HECW1: variants seen among roughly 807,000 people sequenced by gnomAD.
The protein encoded by HECW1 is E3 ubiquitin-protein ligase HECW1.
Under a neutral mutation model 182.3 loss-of-function variants are expected in HECW1, and 61 were observed. The ratio of observed to expected loss-of-function variants is 0.33; its 90% CI spans 0.27 to 0.41. The LOEUF is 0.41. HECW1 is among the 10% of genes least tolerant of loss of function. The pLI, the probability that HECW1 is intolerant of heterozygous loss-of-function variation, is 1.00. For synonymous variants in HECW1, 859 were observed against 832.6 expected (o/e 1.03, Z -0.55); for missense variants, 1,739 against 2,108.9 (o/e 0.82, Z 3.44).
chr7:43,240,194 C>T (rs983579975), intron 2 of HECW1, among the ~76,000 whole-genome samples: 5 of 152,118 alleles, frequency 3.3e-5, no homozygotes, highest in Non-Finnish European at 7.4e-5. Flanking sequence ...TACAAAAAGC[C>T]AGGCATGGTG....
chr7:43,225,042 G>A (rs1797300123), intron 2 of HECW1, among the ~76,000 whole-genome samples: 1 of 152,144 alleles, frequency 6.6e-6, no homozygotes, highest in Non-Finnish European at 1.5e-5. Flanking sequence ...TGATTAGATT[G>A]GTGGCAGGTA....
chr7:43,445,661 C>T, intron 11 of HECW1, 91 bp downstream of exon 11: 2 of 1,411,764 alleles, frequency 1.4e-6, no homozygotes, highest in Non-Finnish European at 9.4e-7. Flanking sequence ...GGCGGGGGAT[C>T]GGTGTCAAAC....
chr7:43,117,636 C>A (rs1485601670), intron 2 of HECW1, among the ~76,000 whole-genome samples: 2 of 152,160 alleles, frequency 1.3e-5, no homozygotes, highest in African/African-American at 2.4e-5. Context: ...ACCTCAATGC[C>A]ATGCATTTAG....
intron 4 of HECW1, 65 bp from the exon 5 acceptor site, chr7:43,320,570 A>C: frequency 1.8e-6 from 2 of 1,115,154 alleles, no homozygotes; most frequent in Non-Finnish European, 1.4e-6. Flanking sequence ...CTTTTCTTTT[A>C]TTCCCCTAAA....
intron 24 of HECW1, among the ~76,000 whole-genome samples, chr7:43,517,230 G>T (rs867020504): frequency 6.6e-6 from 1 of 152,122 alleles, no homozygotes; most frequent in Non-Finnish European, 1.5e-5. Context: ...TGGTGGTGAC[G>T]AATCTAACCT....
intron 6 of HECW1, among the ~76,000 whole-genome samples, chr7:43,388,682 G>C (rs1371746661): frequency 6.6e-6 from 1 of 152,150 alleles, no homozygotes; most frequent in Non-Finnish European, 1.5e-5. Context: ...GAGTGCAGTG[G>C]CATAATCTCA....
intron 6 of HECW1, among the ~76,000 whole-genome samples, chr7:43,377,049 C>G (rs545099185): frequency 6.6e-6 from 1 of 152,188 alleles, no homozygotes; most frequent in African/African-American, 2.4e-5. Flanking sequence ...TAAAGTTAGT[C>G]TGACTTGTAA....
chr7:43,470,727 C>T (rs755470535), intron 16 of HECW1, among the ~76,000 whole-genome samples: 7 of 145,670 alleles, frequency 4.8e-5, no homozygotes, highest in Admixed American at 4.1e-4. Context: ...AGCTGTGTGC[C>T]TACACACACA....
chr7:43,193,793 A>G (rs377759958), intron 2 of HECW1, among the ~76,000 whole-genome samples: 70 of 152,130 alleles, frequency 4.6e-4, no homozygotes, highest in African/African-American at 1.6e-3. Context: ...CCTGATGGCT[A>G]CAGGTTGACA....
chr7:43,418,245 A>G (rs1011588183), intron 8 of HECW1, among the ~76,000 whole-genome samples: 12 of 152,202 alleles, frequency 7.9e-5, no homozygotes, highest in African/African-American at 2.4e-4. Context: ...CCTATTTCCA[A>G]ATAAGTTTGC....
intron 3 of HECW1, among the ~76,000 whole-genome samples, chr7:43,299,156 A>G (rs1469519535): frequency 6.6e-6 from 1 of 152,246 alleles, no homozygotes; most frequent in East Asian, 1.9e-4. Context: ...TGAGATGATA[A>G]TCATCGGTTT....
In HECW1 at chr7:43,137,872, T is replaced by C. The variant is rs113135065; in HGVS notation, c.-32+23481T>C. 4.9e-3 allele frequency among the ~76,000 whole-genome samples: 739 copies of C among 152,102 alleles called. 2 individuals are homozygous for C. Among genetic ancestry groups the C allele is most frequent in the African/African-American group, 0.017 (695 of 41,498 alleles). On this transcript the variant is annotated intron_variant, in intron 2 of 29. Transcript: ENST00000395891. ...GCCACTTTCTGCTTTCTTTATCACC[T>C]GTTTAGATCTTACTCCCTCCCAAAG...
intron 16 of HECW1, among the ~76,000 whole-genome samples, chr7:43,474,913 A>G (rs2078164164): frequency 6.6e-6 from 1 of 152,238 alleles, no homozygotes; most frequent in Admixed American, 6.5e-5. Flanking sequence ...TTCCACTCAT[A>G]TGAGGAACCT....
At chr7:43,416,463 A>G (rs2076001194) in intron 8 of HECW1, among the ~76,000 whole-genome samples, 1 of 151,590 alleles carries the variant, frequency 6.6e-6, no homozygotes, top group African/African-American at 2.4e-5. Flanking sequence ...AAGTCTGCAG[A>G]GGTTACTGCT....
At chr7:43,365,286 T>C (rs1466408684) in intron 6 of HECW1, among the ~76,000 whole-genome samples, 1 of 152,214 alleles carries the variant, frequency 6.6e-6, no homozygotes, top group Non-Finnish European at 1.5e-5. Flanking sequence ...TATGAGACCC[T>C]CCCTACAGAG....
chr7:43,457,705 G>C (rs1463838205), intron 13 of HECW1, among the ~76,000 whole-genome samples: 1 of 151,464 alleles, frequency 6.6e-6, no homozygotes, highest in Non-Finnish European at 1.5e-5. Context: ...AACCCGGGAG[G>C]CAGAGGTTGC....
chr7:43,381,402 G>T (rs2074543044), intron 6 of HECW1, among the ~76,000 whole-genome samples: 1 of 151,956 alleles, frequency 6.6e-6, no homozygotes, highest in Non-Finnish European at 1.5e-5. Flanking sequence ...GCTCACTGCA[G>T]CCTTGAACTC....
chr7:43,186,686 AAAG>A (rs1475512484), intron 2 of HECW1, among the ~76,000 whole-genome samples: 10 of 148,516 alleles, frequency 6.7e-5, no homozygotes, highest in African/African-American at 2.5e-4. Flanking sequence ...AAAAAAAAAA[AAAG>A]GATTATCATA....
intron 6 of HECW1, among the ~76,000 whole-genome samples, chr7:43,395,276 T>C (rs902065832): frequency 6.6e-5 from 10 of 152,184 alleles, no homozygotes. Context: ...TTGTTTAAAC[T>C]GTAAACTACA....
Sources: gnomAD v4.1 joint callset for allele counts (sites outside exome capture counted in the v4.1 genomes callset) on GRCh38, gnomAD v4.1.1 for gene constraint, MANE v1.5 for transcripts, NCBI Gene and HGNC (gene_info 2026-07-23, HGNC 2026-07-21) for gene names.